Variants in TXNDC16 observed in about 807,000 individuals in gnomAD.
The protein encoded by TXNDC16 is thioredoxin domain containing 16, also known as thioredoxin domain-containing protein 16.
Under a neutral mutation model 85.6 loss-of-function variants are expected in TXNDC16, and 74 were observed. The ratio of observed to expected loss-of-function variants is 0.86; its 90% CI spans 0.72 to 1.05. The LOEUF is 1.05. TXNDC16 is among the 50% of genes least tolerant of loss of function. TXNDC16 has a pLI of 0.00. For missense variants in TXNDC16, 959 were observed against 947.0 expected (o/e 1.01, Z -0.17); for synonymous variants, 335 against 326.5 (o/e 1.03, Z -0.28).
intron 16 of TXNDC16, among the ~76,000 whole-genome samples, chr14:52,465,087 G>C (rs1244495031): frequency 6.6e-6 from 1 of 152,032 alleles, no homozygotes; most frequent in Non-Finnish European, 1.5e-5. Flanking sequence ...AAACAAAGTA[G>C]AAAAAAATTG....
intron 20 of TXNDC16, among the ~76,000 whole-genome samples, chr14:52,437,726 A>T (rs10139294): frequency 0.033 from 5,028 of 152,290 alleles, 248 homozygotes; most frequent in African/African-American, 0.11. Flanking sequence ...GAAAAAAACA[A>T]CTAATAATCT....
At position 52,537,636 on chromosome 14, in the gene TXNDC16, C is replaced by T. The variant is rs1369288513; in HGVS notation, c.280G>A (p.Gly94Arg). The T allele has an allele frequency of 1.3e-6, 2 of 1,593,724 alleles. No homozygotes were observed. The highest frequency in any genetic ancestry group is 1.7e-6 in the Non-Finnish European group (2 of 1,163,664). The change falls in exon 5 of 21, where the codon GGA becomes AGA. Residue 94 changes from glycine (G) to arginine (R), a missense_variant. Coordinates refer to ENST00000281741, the MANE Select transcript of TXNDC16 (RefSeq NM_020784.3). ...CVKEEISRYC[G>R]KEKDLMKAYL... Reference sequence around the variant, plus strand: ...GCTTTCATCAAATCCTTTTCTTTTCCACAGTATCTTGATATTTCTTCTTTG... The same window carrying T: ...GCTTTCATCAAATCCTTTTCTTTTCTACAGTATCTTGATATTTCTTCTTTG...
rs2036324039 is a variant in TXNDC16, at chr14:52,488,563, T to C, written c.985-77A>G. Reference sequence around the variant, plus strand: ...AAAAATGTTTTACTTGGGCCAGGTGTGGTGGCTCACACCTGTAATCCCAGC... The same window carrying C: ...AAAAATGTTTTACTTGGGCCAGGTGCGGTGGCTCACACCTGTAATCCCAGC... On this transcript the variant is annotated intron_variant, in intron 11 of 20. Coordinates refer to ENST00000281741, the MANE Select transcript of TXNDC16 (RefSeq NM_020784.3). 3.2e-6 allele frequency: 4 copies of C among 1,252,348 alleles called. No homozygotes were observed. The Admixed American group carries it at 6.8e-5, about 21-fold the overall frequency. 77.6% of individuals were successfully genotyped at this position (1,252,348 alleles called of 1,614,324 possible). A position where few individuals can be genotyped will look rare whatever the true frequency, so the allele number is the denominator to read the frequency against.
chr14:52,473,341 G>T (rs2035950915), intron 14 of TXNDC16, among the ~76,000 whole-genome samples: 1 of 152,092 alleles, frequency 6.6e-6, no homozygotes, highest in Non-Finnish European at 1.5e-5. Context: ...AACATCTGGT[G>T]ATGCTTGTTT....
At chr14:52,449,463 G>A (rs932860104) in intron 18 of TXNDC16, among the ~76,000 whole-genome samples, 1 of 151,992 alleles carries the variant, frequency 6.6e-6, no homozygotes, top group African/African-American at 2.4e-5. Context: ...AATATTATTA[G>A]GGCCAAAGAT....
intron 16 of TXNDC16, among the ~76,000 whole-genome samples, chr14:52,467,182 GA>G (rs1476087057): frequency 6.6e-5 from 10 of 151,218 alleles, no homozygotes; most frequent in Admixed American, 2.0e-4. Context: ...ATATAGAGGA[GA>G]AAAAAAGGAT....
intron 6 of TXNDC16, among the ~76,000 whole-genome samples, chr14:52,528,287 AT>A (rs1014350135): frequency 2.6e-5 from 4 of 152,242 alleles, no homozygotes; most frequent in African/African-American, 9.6e-5. Context: ...TGGGTTACAC[AT>A]TTTTAAAAAG....
chr14:52,476,059 C>G (rs1337444381), intron 14 of TXNDC16, among the ~76,000 whole-genome samples: 1 of 152,102 alleles, frequency 6.6e-6, no homozygotes, highest in Admixed American at 6.5e-5. Context: ...TGCTGGGTGG[C>G]TAGATCCAGA....
intron 6 of TXNDC16, among the ~76,000 whole-genome samples, chr14:52,530,230 TAC>T (rs1411460670): frequency 5.8e-5 from 3 of 52,154 alleles, no homozygotes; most frequent in African/African-American, 3.2e-4. Context: ...TATATAATAT[TAC>T]ATATAATAAT....
At chr14:52,509,764 G>A (rs1358590417) in intron 9 of TXNDC16, among the ~76,000 whole-genome samples, 2 of 152,022 alleles carry the variant, frequency 1.3e-5, no homozygotes, top group African/African-American at 4.8e-5. Flanking sequence ...AGATCATGAG[G>A]TCAGGAGATC....
At chr14:52,493,193 C>CTATATATATATATA (rs555994196) in intron 9 of TXNDC16, among the ~76,000 whole-genome samples, 92 of 126,122 alleles carry the variant, frequency 7.3e-4, no homozygotes, top group African/African-American at 2.6e-3. Context: ...TGTCACTGTT[C>CTATATATATATATA]TATATATATA....
At chr14:52,451,263 T>A (rs1373088953) in intron 18 of TXNDC16, among the ~76,000 whole-genome samples, 84 of 137,124 alleles carry the variant, frequency 6.1e-4, no homozygotes, top group African/African-American at 1.2e-3. Flanking sequence ...TATTGAAATT[T>A]AAAAAAAAAA....
intron 16 of TXNDC16, among the ~76,000 whole-genome samples, chr14:52,459,110 T>G (rs1182203869): frequency 1.3e-5 from 2 of 152,232 alleles, no homozygotes; most frequent in African/African-American, 4.8e-5. Flanking sequence ...TTTCAGCTAC[T>G]ATAAATATAT....
Position 52,450,356 on chromosome 14 carries a change from C to CA in TXNDC16, c.1842+4967dup, listed in dbSNP as rs2035378311. 2.0e-5 allele frequency among the ~76,000 whole-genome samples: 3 copies of CA among 151,144 alleles called. No homozygotes were observed. In the South Asian group the frequency reaches 6.3e-4, roughly 32 times the overall value. On this transcript the variant is annotated intron_variant, in intron 18 of 20. Transcript: ENST00000281741. ...GAAGAAATGGACAAATTCTTAGACACATACAACCAACCAAGATTGAACCAT... is the reference window on the plus strand; with the variant it reads ...GAAGAAATGGACAAATTCTTAGACACAATACAACCAACCAAGATTGAACCAT...
At chr14:52,552,199 T>C (rs556696626) in intron 1 of TXNDC16, 117 bp downstream of exon 1, 1 of 152,308 alleles carries the variant, frequency 6.6e-6, no homozygotes, top group Admixed American at 6.5e-5. Flanking sequence ...GAGACGGGTG[T>C]CTTAAGTCAG....
intron 6 of TXNDC16, among the ~76,000 whole-genome samples, chr14:52,535,047 G>T (rs1218245618): frequency 6.6e-6 from 1 of 152,094 alleles, no homozygotes; most frequent in East Asian, 1.9e-4. Flanking sequence ...TGTTCAATGT[G>T]GATATGCCAC....
intron 18 of TXNDC16, among the ~76,000 whole-genome samples, chr14:52,444,953 T>C (rs915449384): frequency 1.3e-5 from 2 of 152,154 alleles, no homozygotes; most frequent in Non-Finnish European, 2.9e-5. Context: ...AAATAAATTT[T>C]GGTACATTAG....
chr14:52,495,138 T>C (rs1447474306), intron 9 of TXNDC16, among the ~76,000 whole-genome samples: 1 of 152,244 alleles, frequency 6.6e-6, no homozygotes, highest in Non-Finnish European at 1.5e-5. Flanking sequence ...ATAAGAATCA[T>C]TTCTTTTGCT....
At chr14:52,515,391 T>C (rs1224576676) in intron 7 of TXNDC16, among the ~76,000 whole-genome samples, 1 of 152,020 alleles carries the variant, frequency 6.6e-6, no homozygotes, top group Non-Finnish European at 1.5e-5. Flanking sequence ...GCATATAATA[T>C]ACAACAAACT....
Sources: allele counts gnomAD v4.1 joint callset (sites outside exome capture counted in the v4.1 genomes callset), GRCh38; gene constraint gnomAD v4.1.1; transcripts MANE v1.5; gene names NCBI Gene and HGNC (gene_info 2026-07-23, HGNC 2026-07-21).